ACACB: variants seen among roughly 807,000 people sequenced by gnomAD.
ACACB encodes the protein acetyl-CoA carboxylase 2.
Under a neutral mutation model 278.8 loss-of-function variants are expected in ACACB, and 209 were observed. The ratio of observed to expected loss-of-function variants is 0.75; its 90% CI spans 0.67 to 0.84. ACACB has a LOEUF of 0.84. Among genes scored for constraint, ACACB ranks in the 40% least tolerant of loss-of-function variants. ACACB has a pLI of 0.00. For synonymous variants in ACACB, 1,174 were observed against 1,285.6 expected (o/e 0.91, Z 1.86); for missense variants, 2,850 against 3,269.0 (o/e 0.87, Z 3.13).
At position 109,126,694 on chromosome 12, in the gene ACACB, A is replaced by C. The variant is rs532922187; in HGVS notation, c.-10+9990A>C. On this transcript the variant is annotated intron_variant, in intron 1 of 52. Coordinates refer to ENST00000338432, the MANE Select transcript of ACACB (RefSeq NM_001093.4). ...GAGAGACCTTGTCTCTACACACACA[A>C]AAAAAATAAAAAATAAAAAGAAAGA... Among the ~76,000 whole-genome samples, 404 of 151,090 alleles carry C rather than the reference A, an allele frequency of 2.7e-3. 3 individuals are homozygous for C. The highest frequency in any genetic ancestry group is 8.4e-3 in the African/African-American group (347 of 41,134).
chr12:109,259,056 GT>G lies in ACACB; in HGVS notation c.6446del (p.Leu2149CysfsTer3), dbSNP rs1229380591. The G allele has an allele frequency of 3.7e-6, 6 of 1,614,018 alleles. No individual in the cohort carries two copies. Among genetic ancestry groups the G allele is most frequent in the Non-Finnish European group, 5.1e-6 (6 of 1,180,022 alleles). On this transcript the variant is annotated frameshift_variant, in exon 47 of 53. Coordinates refer to ENST00000338432, the MANE Select transcript of ACACB (RefSeq NM_001093.4). LOFTEE classifies it high-confidence loss of function. ...QAVKDFNREK[L>X]PLMIFANWRG... ...CCGTCAAGGACTTCAACCGGGAGAA[GT>G]TGCCCCTGATGATCTTTGCCAACTG...
chr12:109,232,454 G>GT (rs1421068266), intron 28 of ACACB, among the ~76,000 whole-genome samples: 2 of 152,168 alleles, frequency 1.3e-5, no homozygotes, highest in African/African-American at 4.8e-5. Context: ...TCCTACACTT[G>GT]TTGAGCTCTT....
chr12:109,179,190 G>T lies in ACACB; in HGVS notation c.1540G>T (p.Val514Leu), dbSNP rs1228379160. The T allele has an allele frequency of 6.2e-7, 1 of 1,614,148 alleles. No individual in the cohort carries two copies. The highest frequency in any genetic ancestry group is 8.5e-7 in the Non-Finnish European group (1 of 1,180,010). The change falls in exon 10 of 53, where the codon GTG becomes TTG. Residue 514 changes from valine to leucine, a missense_variant. By Grantham distance (32) the Val-to-Leu change is conservative. Around this residue, in one of 3 missense-constraint regions of ACACB, gnomAD observed 2,265 missense variants for 2,561.3 expected, o/e 0.88. Coordinates refer to ENST00000338432, the MANE Select transcript of ACACB (RefSeq NM_001093.4). ...QILADQYGNA[V>L]SLFGRDCSIQ... is the part of the protein sequence containing the mutation. ...CCTCGCTGACCAGTATGGGAATGCTGTGTCTCTGTTTGGTCGCGACTGCTC... is the reference window on the plus strand; with the variant it reads ...CCTCGCTGACCAGTATGGGAATGCTTTGTCTCTGTTTGGTCGCGACTGCTC...
intron 4 of ACACB, among the ~76,000 whole-genome samples, chr12:109,168,914 G>A (rs2044009318): frequency 6.6e-6 from 1 of 152,110 alleles, no homozygotes; most frequent in Non-Finnish European, 1.5e-5. Flanking sequence ...CAAGATGGGC[G>A]AATCACTTGA....
chr12:109,143,961 G>GT (rs533188340), intron 2 of ACACB, among the ~76,000 whole-genome samples: 1 of 152,052 alleles, frequency 6.6e-6, no homozygotes, highest in Non-Finnish European at 1.5e-5. Context: ...GAGCCCAGAA[G>GT]TTTGAGAGCA....
At chr12:109,245,771 C>G (rs1387840844) in intron 38 of ACACB, 23 bp downstream of exon 38, 2 of 1,610,712 alleles carry the variant, frequency 1.2e-6, no homozygotes, top group Non-Finnish European at 1.7e-6. Context: ...CGGAGCCTAA[C>G]CCCTGGCTGG....
intron 2 of ACACB, 117 bp from the exon 3 acceptor site, chr12:109,166,744 A>AAGC (rs2043918864): frequency 7.4e-7 from 1 of 1,354,220 alleles, no homozygotes; most frequent in Non-Finnish European, 1.0e-6. Flanking sequence ...AGCAAGTGCA[A>AAGC]AGCAGGGGGG....
At chr12:109,161,994 T>G (rs1363004098) in intron 2 of ACACB, among the ~76,000 whole-genome samples, 4 of 151,854 alleles carry the variant, frequency 2.6e-5, no homozygotes, top group African/African-American at 9.7e-5. Context: ...TTTTTTTTTT[T>G]TAGGTAGAGT....
chr12:109,169,993 A>G (rs940050812), intron 4 of ACACB, among the ~76,000 whole-genome samples: 1 of 152,202 alleles, frequency 6.6e-6, no homozygotes, highest in African/African-American at 2.4e-5. Context: ...TAGCAATTCT[A>G]TAGTACAGAT....
At position 109,139,760 on chromosome 12, in the gene ACACB, G is replaced by A. The variant is rs771068523; in HGVS notation, c.355G>A (p.Gly119Arg). 2.4e-5 allele frequency: 39 copies of A among 1,614,050 alleles called. 1 individual carries two copies. The highest frequency in any genetic ancestry group is 1.6e-4 in the African/African-American group (12 of 74,918). The change falls in exon 2 of 53, where the codon GGG (glycine) becomes AGG (arginine). Residue 119 changes from glycine to arginine, a missense_variant. By Grantham distance (125) the Gly-to-Arg change is moderately radical (BLOSUM62 -2). Coordinates refer to ENST00000338432, the MANE Select transcript of ACACB (RefSeq NM_001093.4). Reference sequence around the variant, plus strand: ...ACCCTCCCCAGAGCTTCAAGCCAACGGGACTGGGACACAAGGTCTGGAGGC... The same window carrying A: ...ACCCTCCCCAGAGCTTCAAGCCAACAGGACTGGGACACAAGGTCTGGAGGC... ...AAPSPELQAN[G>R]TGTQGLEATD...
At chr12:109,142,298 G>T (rs895183498) in intron 2 of ACACB, among the ~76,000 whole-genome samples, 4 of 152,018 alleles carry the variant, frequency 2.6e-5, no homozygotes, top group African/African-American at 9.7e-5. Context: ...CTTATAACAT[G>T]ATTATTATTA....
intron 2 of ACACB, among the ~76,000 whole-genome samples, chr12:109,154,226 G>T (rs1435653324): frequency 1.3e-5 from 2 of 152,250 alleles, no homozygotes; most frequent in African/African-American, 4.8e-5. Context: ...CCCAGGTGGT[G>T]CAAAGTGCGT....
At chr12:109,134,599 T>G (rs2042924489) in intron 1 of ACACB, among the ~76,000 whole-genome samples, 1 of 152,156 alleles carries the variant, frequency 6.6e-6, no homozygotes, top group East Asian at 1.9e-4. Flanking sequence ...TTCTTGAGAA[T>G]TTACTATGCA....
At chr12:109,226,537 TA>T (rs1464048699) in intron 27 of ACACB, among the ~76,000 whole-genome samples, 1 of 151,076 alleles carries the variant, frequency 6.6e-6, no homozygotes, top group Non-Finnish European at 1.5e-5. Context: ...CCGTCTCTAC[TA>T]AAAATACAAA....
At chr12:109,219,856 G>A (rs554634327) in intron 24 of ACACB, among the ~76,000 whole-genome samples, 7 of 152,302 alleles carry the variant, frequency 4.6e-5, no homozygotes, top group East Asian at 3.9e-4. Context: ...ATTGCAACAC[G>A]CAGCCAGGAC....
At chr12:109,198,574 T>G (rs1293637392) in intron 17 of ACACB, among the ~76,000 whole-genome samples, 2 of 152,112 alleles carry the variant, frequency 1.3e-5, no homozygotes, top group Non-Finnish European at 2.9e-5. Context: ...CGTGTGCCTG[T>G]AGTCCCAGCA....
chr12:109,142,078 T>C (rs1376688926), intron 2 of ACACB, among the ~76,000 whole-genome samples: 1 of 149,054 alleles, frequency 6.7e-6, no homozygotes, highest in Non-Finnish European at 1.5e-5. Context: ...TGAGACCTCA[T>C]CTCTAAAAAA....
Position 109,240,972 on chromosome 12 carries a change from C to T in ACACB, c.4819-106C>T, listed in dbSNP as rs149219333. 471 of 1,061,058 alleles carry T rather than the reference C, an allele frequency of 4.4e-4. 1 individual carries two copies. In the East Asian group the frequency reaches 9.2e-3, roughly 21 times the overall value. 65.7% of individuals were successfully genotyped at this position (1,061,058 alleles called of 1,614,324 possible). A position where few individuals can be genotyped will look rare whatever the true frequency, so the allele number is the denominator to read the frequency against. On this transcript the variant is annotated intron_variant, in intron 35 of 52. Transcript: ENST00000338432. ...TGTTGGATACACACTATGTCCCAGG[C>T]GTTTTTGCAGTCAGTATATCTCATC...
intron 13 of ACACB, among the ~76,000 whole-genome samples, chr12:109,189,668 A>G (rs150323129): frequency 1.3e-5 from 2 of 152,260 alleles, no homozygotes; most frequent in East Asian, 3.9e-4. Flanking sequence ...TAACTCTCAT[A>G]CCCAGCTTCC....
Sources: gnomAD v4.1 joint callset for allele counts (sites outside exome capture counted in the v4.1 genomes callset) on GRCh38, gnomAD v4.1.1 for gene constraint, gnomAD v4.1.1 regional missense constraint, MANE v1.5 for transcripts, NCBI Gene and HGNC (gene_info 2026-07-23, HGNC 2026-07-21) for gene names.